CSMD1: variants seen among roughly 807,000 people sequenced by gnomAD.
CSMD1 encodes the protein CUB and sushi domain-containing protein 1.
In CSMD1, 213 loss-of-function variants were observed where a neutral mutation model predicts 417.5. That is an observed-to-expected ratio of 0.51 (90% confidence interval 0.46 to 0.57). The LOEUF (loss-of-function observed/expected upper bound fraction) is 0.57, where lower values mean the gene tolerates loss of function less well. Ranked by LOEUF, CSMD1 falls within the 20% of genes least tolerant of loss-of-function variation. The pLI is 0.00. For missense variants in CSMD1, 6,923 were observed against 4,529.7 expected, an observed-to-expected ratio of 1.53 and a Z score of -15.17; for synonymous variants, 2,862 against 1,736.8, an observed-to-expected ratio of 1.65 and a Z score of -16.11.
At chr8:4,891,735 G>A (rs1006221916) in intron 1 of CSMD1, among the ~76,000 whole-genome samples, 3 of 152,008 alleles carry the variant, frequency 2.0e-5, no homozygotes, top group African/African-American at 7.3e-5. Context: ...ATAAAATACT[G>A]AATTAATTAT....
intron 5 of CSMD1, among the ~76,000 whole-genome samples, chr8:3,851,657 A>G (rs1386648979): frequency 5.3e-5 from 8 of 152,336 alleles, no homozygotes; most frequent in Admixed American, 1.3e-4. Flanking sequence ...GTGATAGACA[A>G]TAAGAAACAA....
rs185627614 is a variant in CSMD1 at position 4,132,231 on chromosome 8, C to A, written c.416-100132G>T. 6.8e-4 allele frequency among the ~76,000 whole-genome samples: 99 copies of A among 145,482 alleles called. 1 individual carries two copies. The highest frequency in any genetic ancestry group is 2.1e-3 in the African/African-American group (80 of 38,686). On this transcript the variant is annotated intron_variant, in intron 3 of 69. Transcript: ENST00000635120. Reference sequence around the variant, plus strand: ...TTTTTTTTTTCACGGGGTAGTAATACCCCTTTCTAACATCTAGCACTGCTG... The same window carrying A: ...TTTTTTTTTTCACGGGGTAGTAATAACCCTTTCTAACATCTAGCACTGCTG...
At chr8:4,471,777 C>A (rs1451627443) in intron 2 of CSMD1, among the ~76,000 whole-genome samples, 2 of 152,154 alleles carry the variant, frequency 1.3e-5, no homozygotes, top group East Asian at 3.9e-4. Context: ...ACAAAGGAGA[C>A]TGAGGAGCAA....
chr8:4,510,389 C>CAAAAAAAAA (rs1563243981), intron 2 of CSMD1, among the ~76,000 whole-genome samples: 4 of 10,958 alleles, frequency 3.7e-4, no homozygotes, highest in African/African-American at 1.2e-3. Context: ...AGCATAATGC[C>CAAAAAAAAA]TAAAAAAAAA....
chr8:3,143,029 T>C (rs1818600275), intron 40 of CSMD1, among the ~76,000 whole-genome samples: 1 of 152,238 alleles, frequency 6.6e-6, no homozygotes, highest in Admixed American at 6.5e-5. Context: ...TTTACAATTA[T>C]GACAATCTTA....
chr8:4,187,702 G>C lies in CSMD1; in HGVS notation c.416-155603C>G, dbSNP rs75950206. On this transcript the variant is annotated intron_variant, in intron 3 of 69. Coordinates refer to ENST00000635120, the MANE Select transcript of CSMD1 (RefSeq NM_033225.6). ...AAAAAAAAAAAAAAAAAAGCATTCA[G>C]GAAGTTTATTCTAGTTAGTGTACAT... Among the ~76,000 whole-genome samples the C allele has an allele frequency of 7.9e-3, 1,044 of 131,742 alleles. 38 individuals carry two copies. The East Asian group carries it at 0.087, about 11-fold the overall frequency. The allele number at this position is 131,742 out of a possible 152,430, so 86.4% of individuals were successfully genotyped here. A position where few individuals can be genotyped will look rare whatever the true frequency, so the allele number is the denominator to read the frequency against.
intron 3 of CSMD1, among the ~76,000 whole-genome samples, chr8:4,139,958 G>T (rs915793499): frequency 2.3e-5 from 3 of 132,938 alleles, no homozygotes; most frequent in Admixed American, 1.5e-4. Flanking sequence ...GCAAGGGCAG[G>T]TGAAACTATG....
chr8:4,622,982 G>C (rs1166972489), intron 2 of CSMD1, among the ~76,000 whole-genome samples: 1 of 151,898 alleles, frequency 6.6e-6, no homozygotes, highest in Non-Finnish European at 1.5e-5. Context: ...CATGAAATCA[G>C]GAAACACAAA....
chr8:4,991,268 C>T (rs1321104422), intron 1 of CSMD1, among the ~76,000 whole-genome samples: 1 of 152,118 alleles, frequency 6.6e-6, no homozygotes, highest in Non-Finnish European at 1.5e-5. Context: ...TGAAAATAGG[C>T]ATTTAAAGAG....
chr8:3,221,269 T>A (rs1457643550), intron 28 of CSMD1, among the ~76,000 whole-genome samples: 1 of 152,100 alleles, frequency 6.6e-6, no homozygotes, highest in Non-Finnish European at 1.5e-5. Flanking sequence ...TAAAGGAAAT[T>A]TAGGAAGGTG....
intron 3 of CSMD1, among the ~76,000 whole-genome samples, chr8:4,134,895 G>A (rs937311313): frequency 1.1e-4 from 17 of 152,096 alleles, no homozygotes; most frequent in African/African-American, 4.1e-4. Flanking sequence ...TTGCTCGGAA[G>A]GCTTTCAATT....
At chr8:4,002,385 A>G (rs980364074) in intron 4 of CSMD1, among the ~76,000 whole-genome samples, 2 of 152,176 alleles carry the variant, frequency 1.3e-5, no homozygotes, top group South Asian at 4.1e-4. Flanking sequence ...TTTAAACATA[A>G]TAGCATTTGA....
intron 1 of CSMD1, among the ~76,000 whole-genome samples, chr8:4,832,583 G>A (rs59707637): frequency 2.6e-5 from 4 of 152,182 alleles, no homozygotes; most frequent in Admixed American, 2.6e-4. Flanking sequence ...TCTGCTTGTG[G>A]TTAAAATTAT....
chr8:3,170,417 C>G (rs995128493), intron 37 of CSMD1, among the ~76,000 whole-genome samples: 1 of 152,134 alleles, frequency 6.6e-6, no homozygotes, highest in African/African-American at 2.4e-5. Flanking sequence ...ACTGTGTTAG[C>G]CAGGATGGTC....
intron 2 of CSMD1, among the ~76,000 whole-genome samples, chr8:4,498,303 T>G (rs1802078871): frequency 6.6e-6 from 1 of 152,174 alleles, no homozygotes; most frequent in Non-Finnish European, 1.5e-5. Flanking sequence ...GAGGTTGATT[T>G]CTATTTTATT....
At chr8:4,286,055 T>A (rs1301105204) in intron 3 of CSMD1, among the ~76,000 whole-genome samples, 1 of 152,136 alleles carries the variant, frequency 6.6e-6, no homozygotes, top group Admixed American at 6.6e-5. Flanking sequence ...TGTAGTTACA[T>A]CCCTAAGTCC....
At chr8:3,186,718 T>G (rs10094838) in intron 36 of CSMD1, among the ~76,000 whole-genome samples, 2 of 152,122 alleles carry the variant, frequency 1.3e-5, no homozygotes, top group Non-Finnish European at 2.9e-5. Context: ...GCAGTAGAGA[T>G]AAACAACTGA....
chr8:4,209,082 C>G (rs777508706), intron 3 of CSMD1, among the ~76,000 whole-genome samples: 1 of 152,118 alleles, frequency 6.6e-6, no homozygotes, highest in Non-Finnish European at 1.5e-5. Flanking sequence ...TTTTTGTCCT[C>G]TCTTCACCCT....
Position 3,795,885 on chromosome 8 carries a change from T to C in CSMD1, c.819-41843A>G, listed in dbSNP as rs779305949. Among the ~76,000 whole-genome samples the C allele has an allele frequency of 3.9e-4, 22 of 57,032 alleles. 1 individual carries two copies. The highest frequency in any genetic ancestry group is 7.6e-4 in the Non-Finnish European group (19 of 25,148). The allele number at this position is 57,032 out of a possible 152,430, so 37.4% of individuals were successfully genotyped here. A position where few individuals can be genotyped will look rare whatever the true frequency, so the allele number is the denominator to read the frequency against. On this transcript the variant is annotated intron_variant, in intron 5 of 69. Coordinates refer to ENST00000635120, the MANE Select transcript of CSMD1 (RefSeq NM_033225.6). ...ATGTACAGATATAGATATATATCTA[T>C]CATGTACAGATATATATATCATGTA...
Sources: allele counts gnomAD v4.1 joint callset (sites outside exome capture counted in the v4.1 genomes callset), GRCh38; gene constraint gnomAD v4.1.1; transcripts MANE v1.5; gene names NCBI Gene and HGNC (gene_info 2026-07-23, HGNC 2026-07-21).